SP140: variants seen among roughly 807,000 people sequenced by gnomAD.
SP140 encodes SP140 nuclear body protein.
Under a neutral mutation model 125.0 loss-of-function variants are expected in SP140, and 81 were observed. That is an observed-to-expected ratio of 0.65 (90% CI 0.54 to 0.78). The LOEUF (loss-of-function observed/expected upper bound fraction) is 0.78, where lower values mean the gene tolerates loss of function less well. Ranked by LOEUF, SP140 falls within the 30% of genes least tolerant of loss-of-function variation. The pLI is 0.00. For missense variants in SP140, 858 were observed against 1,037.0 expected, an observed-to-expected ratio of 0.83 and a Z score of 2.37; for synonymous variants, 312 against 354.0, an observed-to-expected ratio of 0.88 and a Z score of 1.33.
rs778961431 is a variant in SP140, at chr2:230,213,030, G to A, written c.-322-624G>A. 5 of 1,613,710 alleles carry A rather than the reference G, an allele frequency of 3.1e-6. 1 individual carries two copies. Among genetic ancestry groups the A allele is most frequent in the Non-Finnish European group, 4.2e-6 (5 of 1,179,882 alleles). On this transcript the variant is annotated intron_variant, in intron 1 of 4. Transcript: ENST00000456542. ...CTGCCATTCATAGGAAGCACCAACT[G>A]GGATTGGTGAAGGGACACACATCAG... is the stretch of plus-strand genomic sequence containing the variant.
At chr2:230,304,185 G>A (rs6708227) in intron 22 of SP140, among the ~76,000 whole-genome samples, 78,856 of 151,996 alleles carry the variant, frequency 0.52, 21,934 homozygotes, top group South Asian at 0.69. Context: ...ACTTAGGAAT[G>A]TACCTAACCA....
upstream of SP140, among the ~76,000 whole-genome samples, chr2:230,199,892 A>G (rs1156583869): frequency 6.6e-6 from 1 of 152,186 alleles, no homozygotes; most frequent in African/African-American, 2.4e-5. Flanking sequence ...TGGCTCCTGA[A>G]AAGAGTTCCT....
the SP140 span, among the ~76,000 whole-genome samples, chr2:230,197,173 T>C: frequency 6.6e-6 from 1 of 152,004 alleles, no homozygotes; most frequent in Non-Finnish European, 1.5e-5. Context: ...TGTAAAAGTG[T>C]TCCTATTTCT....
intron 3 of SP140, chr2:230,238,790 C>T (rs1228626689): frequency 2.6e-6 from 4 of 1,553,416 alleles, no homozygotes; most frequent in Non-Finnish European, 3.5e-6. Context: ...AGTCCTGTGT[C>T]AACTTGTTTC....
intron 7 of SP140, among the ~76,000 whole-genome samples, chr2:230,247,202 C>T (rs868032390): frequency 6.6e-6 from 1 of 152,118 alleles, no homozygotes; most frequent in African/African-American, 2.4e-5. Context: ...TACCTGAATA[C>T]GTTCATGAAG....
Position 230,309,773 on chromosome 2 carries a change from C to T in SP140, c.2059-151C>T, listed in dbSNP as rs138736753. The stretch of plus-strand genomic sequence containing the variant: ...TGCAGACCAGGATTTGTTCTGAAAT[C>T]TCCATGCCATGTTTTTCCTTCATAT... On this transcript the variant is annotated intron_variant, in intron 22 of 26. Transcript: ENST00000392045. The T allele has an allele frequency of 7.7e-5, 55 of 716,272 alleles. 2 individuals are homozygous for T. The African/African-American group carries it at 8.6e-4, about 11-fold the overall frequency. The allele number at this position is 716,272 out of a possible 1,614,324, so 44.4% of individuals were successfully genotyped here.
intron 15 of SP140, among the ~76,000 whole-genome samples, chr2:230,275,453 T>C (rs556941344): frequency 6.6e-6 from 1 of 152,296 alleles, no homozygotes; most frequent in African/African-American, 2.4e-5. Context: ...CAATGATCTT[T>C]GATGTTACTA....
Position 230,294,330 on chromosome 2 carries a change from A to T in SP140, c.2016+12A>T. The T allele has an allele frequency of 6.3e-7, 1 of 1,594,202 alleles. No homozygotes were observed. Among genetic ancestry groups the T allele is most frequent in the South Asian group, 1.1e-5 (1 of 90,630 alleles). On this transcript the variant is annotated intron_variant, in intron 21 of 26. Coordinates refer to ENST00000392045, the MANE Select transcript of SP140 (RefSeq NM_007237.5). ...ACAGGAAAAAAAAGGTGATTATTAC[A>T]TAGCTTTATACAGCTTCTTGTCACA...
chr2:230,264,843 G>C (rs944400742), intron 12 of SP140, among the ~76,000 whole-genome samples: 5 of 152,186 alleles, frequency 3.3e-5, no homozygotes, highest in African/African-American at 1.2e-4. Context: ...GGGTCTCTCA[G>C]CTGTGGATAC....
At chr2:230,238,429 C>A (rs751374550) in intron 3 of SP140, 48 bp downstream of exon 3, 2 of 1,506,558 alleles carry the variant, frequency 1.3e-6, no homozygotes, top group Admixed American at 2.1e-5. Flanking sequence ...CCATTTCATT[C>A]ATTGATTCAT....
chr2:230,234,415 G>A (rs1248269232), intron 1 of SP140, among the ~76,000 whole-genome samples: 2 of 152,208 alleles, frequency 1.3e-5, no homozygotes, highest in Non-Finnish European at 2.9e-5. Context: ...AAAAATGTGT[G>A]ACCAACACAG....
chr2:230,297,130 GAA>G lies in SP140; in HGVS notation c.2017-289_2017-288del, dbSNP rs539487770. 2.4e-4 allele frequency among the ~76,000 whole-genome samples: 37 copies of G among 152,324 alleles called. No homozygotes were observed. The East Asian group carries it at 6.6e-3, about 27-fold the overall frequency. On this transcript the variant is annotated intron_variant, in intron 21 of 26. Transcript: ENST00000392045. The stretch of plus-strand genomic sequence containing the variant: ...GAGGCCAACACAGGAGTAAGACAGA[GAA>G]ACTATATTTAATGGGTTATCATAGA...
chr2:230,195,053 A>AT, the SP140 span, among the ~76,000 whole-genome samples: 80 of 145,030 alleles, frequency 5.5e-4, 1 homozygote, highest in East Asian at 9.6e-3. Context: ...TGTCTTGGGC[A>AT]TTTTTTTTTT....
At chr2:230,220,134 G>C in intron 3 of SP140, 1 of 962,912 alleles carries the variant, frequency 1.0e-6, no homozygotes, top group Non-Finnish European at 1.2e-6. Context: ...AGGACGTCTT[G>C]GCAGTTGGGG....
chr2:230,270,559 T>C, intron 14 of SP140, 27 bp from the exon 15 acceptor site: 1 of 1,592,106 alleles, frequency 6.3e-7, no homozygotes, highest in Non-Finnish European at 8.6e-7. Context: ...AATTTCTGTT[T>C]CCTCACCACC....
upstream of SP140, chr2:230,221,910 A>G: frequency 4.8e-6 from 3 of 623,806 alleles, no homozygotes; most frequent in East Asian, 5.6e-5. Context: ...GCGAATGAGG[A>G]TGAAAGATGT....
intron 3 of SP140, among the ~76,000 whole-genome samples, chr2:230,240,356 C>T (rs550309215): frequency 1.6e-4 from 24 of 152,040 alleles, no homozygotes; most frequent in Non-Finnish European, 3.4e-4. Context: ...TCCAAAGTCA[C>T]CATTAAGAAA....
upstream of SP140, chr2:230,202,862 T>C (rs1243990987): frequency 6.1e-6 from 5 of 826,298 alleles, no homozygotes; most frequent in Non-Finnish European, 1.1e-5. Context: ...GTACCTCACT[T>C]TTCTCCTCCT....
chr2:230,202,541 T>G (rs746969547), upstream of SP140: 2 of 1,609,018 alleles, frequency 1.2e-6, no homozygotes, highest in East Asian at 2.2e-5. Flanking sequence ...CCTCCCACAC[T>G]GAGCCATTCA....
Sources: gnomAD v4.1 joint callset for allele counts (sites outside exome capture counted in the v4.1 genomes callset) on GRCh38, gnomAD v4.1.1 for gene constraint, MANE v1.5 for transcripts, NCBI Gene and HGNC (gene_info 2026-07-23, HGNC 2026-07-21) for gene names.